The following BMP7 variants were observed in gnomAD, a reference collection of about 807,000 sequenced individuals.
The protein encoded by BMP7 is bone morphogenetic protein 7.
BMP7 carries 12 observed loss-of-function variants against 41.2 expected under a neutral mutation model. The ratio of observed to expected loss-of-function variants is 0.29; its 90% CI spans 0.19 to 0.47. The LOEUF (loss-of-function observed/expected upper bound fraction) is 0.47, where lower values mean the gene tolerates loss of function less well. Ranked by LOEUF, BMP7 falls within the 20% of genes least tolerant of loss-of-function variation. The pLI is 0.99. For missense variants in BMP7, 467 were observed against 606.0 expected (o/e 0.77, Z 2.41); for synonymous variants, 248 against 250.0 (o/e 0.99, Z 0.07).
chr20:57,210,036 G>A (rs1016881111), intron 2 of BMP7, among the ~76,000 whole-genome samples: 8 of 152,230 alleles, frequency 5.3e-5, no homozygotes, highest in South Asian at 2.1e-4. Context: ...CAGGCCACAC[G>A]TCTGTTGTCT....
chr20:57,213,267 G>A lies in BMP7; in HGVS notation c.612-10644C>T, dbSNP rs898807084. ...GCCAGCGTTGTCACAGTCAGAAGGC[G>A]AGTCAGTGGCCCTTATGTTCTAGCC... On this transcript the variant is annotated intron_variant, in intron 2 of 6. Coordinates refer to ENST00000395863, the MANE Select transcript of BMP7 (RefSeq NM_001719.3). This position sits in a 1 kb window ranked among gnomAD's most constrained non-coding sequence, Gnocchi z 4.4. Among the ~76,000 whole-genome samples the A allele has an allele frequency of 6.6e-6, 1 of 152,208 alleles. No homozygotes were observed. Among genetic ancestry groups the A allele is most frequent in the Non-Finnish European group, 1.5e-5 (1 of 68,044 alleles).
At chr20:57,226,853 G>A (rs948331235) in intron 2 of BMP7, among the ~76,000 whole-genome samples, 26 of 134,564 alleles carry the variant, frequency 1.9e-4, no homozygotes, top group African/African-American at 7.4e-4. Flanking sequence ...TTGAGAAAGA[G>A]TCTCACTCTG....
At chr20:57,223,801 C>T (rs1055108133) in intron 2 of BMP7, among the ~76,000 whole-genome samples, 4 of 152,184 alleles carry the variant, frequency 2.6e-5, no homozygotes, top group Admixed American at 2.0e-4. Flanking sequence ...TGCCCAAACA[C>T]GCTCATGGGG....
At chr20:57,232,852 T>TACACACACACAC (rs60368986) in intron 1 of BMP7, among the ~76,000 whole-genome samples, 14 of 138,042 alleles carry the variant, frequency 1.0e-4, no homozygotes, top group African/African-American at 2.9e-4. Context: ...AGTCATGAAG[T>TACACACACACAC]ACACACACAC....
intron 3 of BMP7, among the ~76,000 whole-genome samples, chr20:57,185,220 CT>C (rs895322728): frequency 3.3e-5 from 5 of 152,126 alleles, no homozygotes; most frequent in African/African-American, 1.2e-4. Flanking sequence ...TTTTTAAAAT[CT>C]TTAGAATTTA....
At chr20:57,257,925 T>G (rs2066140113) in intron 1 of BMP7, among the ~76,000 whole-genome samples, 1 of 151,784 alleles carries the variant, frequency 6.6e-6, no homozygotes, top group African/African-American at 2.4e-5. Flanking sequence ...GCTAAGAGCT[T>G]AGCTTTTTCT....
chr20:57,236,162 G>C (rs995661440), intron 1 of BMP7, among the ~76,000 whole-genome samples: 1 of 152,212 alleles, frequency 6.6e-6, no homozygotes, highest in Non-Finnish European at 1.5e-5. Flanking sequence ...CTCTTGTCAG[G>C]ACCCCAGAAG....
chr20:57,192,110 T>C (rs1339814739), intron 3 of BMP7, among the ~76,000 whole-genome samples: 1 of 124,694 alleles, frequency 8.0e-6, no homozygotes, highest in African/African-American at 3.2e-5. Flanking sequence ...ATTTATATAA[T>C]ATATACATAT....
chr20:57,239,642 G>A (rs1404442943), intron 1 of BMP7, among the ~76,000 whole-genome samples: 1 of 152,212 alleles, frequency 6.6e-6, no homozygotes, highest in Non-Finnish European at 1.5e-5. Context: ...TTCTCCATGA[G>A]GGACCCACTC....
intron 1 of BMP7, among the ~76,000 whole-genome samples, chr20:57,229,822 C>T (rs1247056092): frequency 6.6e-6 from 1 of 152,200 alleles, no homozygotes; most frequent in African/African-American, 2.4e-5. Flanking sequence ...ACGGGAACAC[C>T]ATTGAGGAAG....
chr20:57,193,678 T>A (rs148946843), intron 3 of BMP7, among the ~76,000 whole-genome samples: 2 of 152,348 alleles, frequency 1.3e-5, no homozygotes, highest in Non-Finnish European at 2.9e-5. Context: ...TATCCATCCA[T>A]CTGGTGGCTT....
intron 3 of BMP7, among the ~76,000 whole-genome samples, chr20:57,185,629 G>A (rs919459073): frequency 7.2e-5 from 11 of 152,234 alleles, no homozygotes; most frequent in African/African-American, 2.7e-4. Context: ...GTGGGCAGCA[G>A]AGGTCTGGCC....
In BMP7 at chr20:57,265,533, G is replaced by T. The variant is rs117038656; in HGVS notation, c.418+172C>A. 0.014 allele frequency among the ~76,000 whole-genome samples: 2,098 copies of T among 152,358 alleles called. 34 individuals are homozygous for T. Among genetic ancestry groups the T allele is most frequent in the Non-Finnish European group, 0.02 (1,343 of 68,030 alleles). On this transcript the variant is annotated intron_variant, in intron 1 of 6. Coordinates refer to ENST00000395863, the MANE Select transcript of BMP7 (RefSeq NM_001719.3). ...CGAACCCAGCGCGCCCGACCTGGGG[G>T]CGCACACAGCTTGGGAGTCATAGGG... is the stretch of plus-strand genomic sequence containing the variant.
At chr20:57,226,982 A>T (rs1180110728) in intron 2 of BMP7, among the ~76,000 whole-genome samples, 1 of 151,984 alleles carries the variant, frequency 6.6e-6, no homozygotes, top group African/African-American at 2.4e-5. Context: ...GCCCGCCACC[A>T]TGCCTGGCTA....
At chr20:57,197,049 A>C (rs2123083236) in intron 3 of BMP7, among the ~76,000 whole-genome samples, 1 of 151,918 alleles carries the variant, frequency 6.6e-6, no homozygotes, top group East Asian at 1.9e-4. Context: ...CTACAGGCGC[A>C]CACCACCACA....
At chr20:57,232,209 C>G (rs764917588) in intron 1 of BMP7, among the ~76,000 whole-genome samples, 3 of 152,174 alleles carry the variant, frequency 2.0e-5, no homozygotes, top group African/African-American at 7.2e-5. Flanking sequence ...TTCCCCTCCC[C>G]CTGGAGATAG....
At chr20:57,234,526 A>T (rs1207266380) in intron 1 of BMP7, among the ~76,000 whole-genome samples, 1 of 152,230 alleles carries the variant, frequency 6.6e-6, no homozygotes, top group African/African-American at 2.4e-5. Context: ...GCTTCAAAGA[A>T]GTCCCCTTTA....
intron 2 of BMP7, among the ~76,000 whole-genome samples, chr20:57,217,589 G>C (rs551107628): frequency 1.2e-4 from 18 of 152,300 alleles, no homozygotes; most frequent in East Asian, 5.8e-4. Flanking sequence ...GGCTGAGATA[G>C]ACGGAGCGAT....
At chr20:57,190,053 G>A (rs1207867198) in intron 3 of BMP7, among the ~76,000 whole-genome samples, 1 of 152,248 alleles carries the variant, frequency 6.6e-6, no homozygotes, top group Non-Finnish European at 1.5e-5. Flanking sequence ...GAAATACACG[G>A]TGTGTGTCAG....
Sources: allele counts gnomAD v4.1 joint callset (sites outside exome capture counted in the v4.1 genomes callset), GRCh38; gene constraint gnomAD v4.1.1; non-coding constraint Gnocchi (gnomAD v3.1); transcripts MANE v1.5; gene names NCBI Gene and HGNC (gene_info 2026-07-23, HGNC 2026-07-21).